The following EVC2 variants were observed in gnomAD, a reference collection of about 807,000 sequenced individuals.
EVC2 encodes EvC ciliary complex subunit 2.
Under a neutral mutation model 149.3 loss-of-function variants are expected in EVC2, and 148 were observed. That is an observed-to-expected ratio of 0.99 (90% CI 0.87 to 1.14). EVC2 has a LOEUF of 1.14. EVC2 is among the 50% of genes most tolerant of loss of function. The probability of loss-of-function intolerance (pLI) is 0.00; values close to 1 mark genes in which losing one functional copy is unlikely to be tolerated. For synonymous variants in EVC2, 776 were observed against 649.9 expected, an observed-to-expected ratio of 1.19 and a Z score of -2.95; for missense variants, 1,854 against 1,627.3, an observed-to-expected ratio of 1.14 and a Z score of -2.40.
At chr4:5,629,330 T>C (rs1716359383) in intron 11 of EVC2, among the ~76,000 whole-genome samples, 1 of 152,204 alleles carries the variant, frequency 6.6e-6, no homozygotes, top group Admixed American at 6.5e-5. Flanking sequence ...AGGGAGACAG[T>C]ACTATTATTC....
In EVC2 at chr4:5,657,434, C is replaced by G. The variant is rs994494898; in HGVS notation, c.1145+5673G>C. 2.0e-5 allele frequency among the ~76,000 whole-genome samples: 3 copies of G among 152,080 alleles called. No individual in the cohort carries two copies. Among genetic ancestry groups the G allele is most frequent in the Admixed American group, 2.0e-4 (3 of 15,264 alleles). On this transcript the variant is annotated intron_variant, in intron 9 of 21. Transcript: ENST00000344408. The surrounding 1 kb of genome is among the most constrained non-coding windows in gnomAD (Gnocchi z 4.7). ...GAATCTCCCTGCAAGAGTGTCCCAG[C>G]CACAGGACATCCTTGGAGGAAGCTG...
At chr4:5,564,603 C>T (rs1388540041) in intron 21 of EVC2, among the ~76,000 whole-genome samples, 6 of 152,228 alleles carry the variant, frequency 3.9e-5, no homozygotes, top group Non-Finnish European at 7.3e-5. Flanking sequence ...ACTGATATCA[C>T]TGTTTAACCC....
chr4:5,708,546 G>A lies in EVC2; in HGVS notation c.-33C>T. 1 of 1,384,132 alleles carries A rather than the reference G, an allele frequency of 7.2e-7. No homozygotes were observed. Among genetic ancestry groups the A allele is most frequent in the Non-Finnish European group, 9.4e-7 (1 of 1,068,082 alleles). 85.7% of individuals were successfully genotyped at this position (1,384,132 alleles called of 1,614,324 possible). On this transcript the variant is annotated 5_prime_UTR_variant, in exon 1 of 22. Coordinates refer to ENST00000344408, the MANE Select transcript of EVC2 (RefSeq NM_147127.5). ...CGGGACCCGCTACCTCAAAGCGGCGGGTGCCGCCGAGTCGCTGGAGCTTCC... is the reference window on the plus strand; with the variant it reads ...CGGGACCCGCTACCTCAAAGCGGCGAGTGCCGCCGAGTCGCTGGAGCTTCC...
At position 5,640,800 on chromosome 4, in the gene EVC2, A is replaced by T. The variant is rs777874498; in HGVS notation, c.1184T>A (p.Leu395Gln). Residue 395 changes from leucine (L) to glutamine (Q), a missense_variant, in exon 10 of 22, where the codon CTG becomes CAG. Physicochemically the swap from Leu to Gln is moderately radical, Grantham distance 113 (BLOSUM62 -2). Coordinates refer to ENST00000344408, the MANE Select transcript of EVC2 (RefSeq NM_147127.5). This position sits in a 1 kb window ranked among gnomAD's most constrained non-coding sequence, Gnocchi z 4.6. ...IATLNRADAD[L>Q]EACRTQISKD... ...GCTGATTTGTGTTCGACAAGCCTCC[A>T]GATCTGCATCTGCCCGATTCAGGGT... 9 of 1,614,098 alleles carry T rather than the reference A, an allele frequency of 5.6e-6. No individual in the cohort carries two copies. The Admixed American group carries it at 1.3e-4, about 24-fold the overall frequency.
At chr4:5,545,731 T>C (rs1008789636) in intron 21 of EVC2, among the ~76,000 whole-genome samples, 5 of 152,290 alleles carry the variant, frequency 3.3e-5, no homozygotes, top group Middle Eastern at 3.4e-3. Flanking sequence ...GGGACTCAGT[T>C]CTGTATAAAG....
At chr4:5,553,256 G>A (rs1721774360) in intron 21 of EVC2, among the ~76,000 whole-genome samples, 2 of 152,094 alleles carry the variant, frequency 1.3e-5, no homozygotes, top group South Asian at 4.1e-4. Flanking sequence ...TGGGGGGTGG[G>A]TGGTTTTAAA....
At chr4:5,648,686 G>A (rs535647504) in intron 9 of EVC2, among the ~76,000 whole-genome samples, 1 of 152,280 alleles carries the variant, frequency 6.6e-6, no homozygotes, top group South Asian at 2.1e-4. Flanking sequence ...CTGCAGAATA[G>A]AGTCAGGGCC....
At chr4:5,629,984 A>G (rs775686102) in intron 11 of EVC2, among the ~76,000 whole-genome samples, 1 of 152,198 alleles carries the variant, frequency 6.6e-6, no homozygotes, top group Non-Finnish European at 1.5e-5. Flanking sequence ...ATTCTTTTTA[A>G]CTTGAGTGCT....
At chr4:5,706,631 G>A (rs1196742378) in intron 1 of EVC2, among the ~76,000 whole-genome samples, 1 of 152,022 alleles carries the variant, frequency 6.6e-6, no homozygotes. Flanking sequence ...GAGACCCTGA[G>A]GGCTGTGACT....
chr4:5,618,778 T>C lies in EVC2; in HGVS notation c.2502-96A>G. On this transcript the variant is annotated intron_variant, in intron 14 of 21. Coordinates refer to ENST00000344408, the MANE Select transcript of EVC2 (RefSeq NM_147127.5). This position sits in a 1 kb window ranked among gnomAD's most constrained non-coding sequence, Gnocchi z 4.4. ...AGAGATGCAAAGCTCATTCCTCATATCCATGTCTGCAGAAAAAGCACTGGC... is the reference window on the plus strand; with the variant it reads ...AGAGATGCAAAGCTCATTCCTCATACCCATGTCTGCAGAAAAAGCACTGGC... 1 of 1,195,000 alleles carries C rather than the reference T, an allele frequency of 8.4e-7. No individual in the cohort carries two copies. 74.0% of individuals were successfully genotyped at this position (1,195,000 alleles called of 1,614,324 possible).
Position 5,625,337 on chromosome 4 carries a change from CACACACACACAA to C in EVC2, c.2046+400_2046+411del, listed in dbSNP as rs982169210. On this transcript the variant is annotated intron_variant, in intron 13 of 21. Coordinates refer to ENST00000344408, the MANE Select transcript of EVC2 (RefSeq NM_147127.5). This position sits in a 1 kb window ranked among gnomAD's most constrained non-coding sequence, Gnocchi z 4.0. Reference sequence around the variant, plus strand: ...ACACACACACACACACACACACACACACACACACACAAACCCAGTGGTATCTCCCTCATAGGG... The same window carrying C: ...ACACACACACACACACACACACACACACCCAGTGGTATCTCCCTCATAGGG... Among the ~76,000 whole-genome samples, 7 of 150,090 alleles carry C rather than the reference CACACACACACAA, an allele frequency of 4.7e-5. No homozygotes were observed. The highest frequency in any genetic ancestry group is 8.8e-5 in the Non-Finnish European group (6 of 67,842).
rs1416726690 is a variant in EVC2 at position 5,562,795 on chromosome 4, G to T, written c.*53C>A. On this transcript the variant is annotated 3_prime_UTR_variant, in exon 22 of 22. Transcript: ENST00000344408. This position sits in a 1 kb window ranked among gnomAD's most constrained non-coding sequence, Gnocchi z 4.3. ...ATAAACACACAAACACCGGCGGGCAGGAGAAAATCATCCCTTCTCTCTTCA... is the reference window on the plus strand; with the variant it reads ...ATAAACACACAAACACCGGCGGGCATGAGAAAATCATCCCTTCTCTCTTCA... 1.9e-6 allele frequency: 3 copies of T among 1,610,108 alleles called. No individual in the cohort carries two copies. The African/African-American group carries it at 4.0e-5, about 21-fold the overall frequency.
chr4:5,593,974 C>T (rs550810022), intron 16 of EVC2, among the ~76,000 whole-genome samples: 5 of 152,210 alleles, frequency 3.3e-5, no homozygotes, highest in Non-Finnish European at 7.3e-5. Flanking sequence ...ATTGCTAGCA[C>T]GGCAGTCTGA....
At chr4:5,629,187 A>C (rs918416973) in intron 11 of EVC2, among the ~76,000 whole-genome samples, 36 of 152,230 alleles carry the variant, frequency 2.4e-4, no homozygotes, top group African/African-American at 8.0e-4. Context: ...GAAAGCAAGA[A>C]GGTTTTTCCT....
intron 16 of EVC2, among the ~76,000 whole-genome samples, chr4:5,587,061 G>A (rs527699259): frequency 9.7e-4 from 148 of 152,206 alleles, no homozygotes; most frequent in African/African-American, 3.3e-3. Context: ...CGTTAAAAAC[G>A]TCACACTCCT....
At position 5,640,033 on chromosome 4, in the gene EVC2, G is replaced by A. The variant is rs547547517; in HGVS notation, c.1470+481C>T. 3.9e-5 allele frequency among the ~76,000 whole-genome samples: 6 copies of A among 152,110 alleles called. No individual in the cohort carries two copies. Among genetic ancestry groups the A allele is most frequent in the Non-Finnish European group, 8.8e-5 (6 of 68,026 alleles). ...GATGGATGGGTGGATGAGTGATAATGGGCAGATGGGTGGACGGGTAGATGG... is the reference window on the plus strand; with the variant it reads ...GATGGATGGGTGGATGAGTGATAATAGGCAGATGGGTGGACGGGTAGATGG... On this transcript the variant is annotated intron_variant, in intron 10 of 21. Coordinates refer to ENST00000344408, the MANE Select transcript of EVC2 (RefSeq NM_147127.5). This position sits in a 1 kb window ranked among gnomAD's most constrained non-coding sequence, Gnocchi z 4.6.
intron 7 of EVC2, 145 bp downstream of exon 7, chr4:5,681,115 G>C (rs553622899): frequency 1.1e-6 from 1 of 911,868 alleles, no homozygotes; most frequent in Non-Finnish European, 1.8e-6. Context: ...CGGGGGACCC[G>C]AGAGACTGCA....
chr4:5,642,763 T>C (rs1577197868), intron 9 of EVC2, among the ~76,000 whole-genome samples: 1 of 152,340 alleles, frequency 6.6e-6, no homozygotes, highest in African/African-American at 2.4e-5. Context: ...CTTTGATAAT[T>C]TGATTTGGTG....
At chr4:5,648,855 C>A (rs753249844) in intron 9 of EVC2, among the ~76,000 whole-genome samples, 6 of 152,146 alleles carry the variant, frequency 3.9e-5, no homozygotes, top group Non-Finnish European at 5.9e-5. Flanking sequence ...TGTCCCTCTA[C>A]GTCGATTAAA....
Sources: allele counts gnomAD v4.1 joint callset (sites outside exome capture counted in the v4.1 genomes callset), GRCh38; gene constraint gnomAD v4.1.1; non-coding constraint Gnocchi (gnomAD v3.1); transcripts MANE v1.5; gene names NCBI Gene and HGNC (gene_info 2026-07-23, HGNC 2026-07-21).